IL1RAPL1: variants seen among roughly 807,000 people sequenced by gnomAD.
IL1RAPL1 encodes interleukin-1 receptor accessory protein-like 1.
A neutral mutation model predicts 48.4 loss-of-function variants in IL1RAPL1; 3 were observed. The ratio of observed to expected loss-of-function variants is 0.06; its 90% CI spans 0.03 to 0.16. IL1RAPL1 has a LOEUF of 0.16. Among genes scored for constraint, IL1RAPL1 ranks in the 10% least tolerant of loss-of-function variants. The pLI, the probability that IL1RAPL1 is intolerant of heterozygous loss-of-function variation, is 1.00. For missense variants in IL1RAPL1, 349 were observed against 530.6 expected, an observed-to-expected ratio of 0.66 and a Z score of 3.36; for synonymous variants, 185 against 187.7, an observed-to-expected ratio of 0.99 and a Z score of 0.12.
intron 6 of IL1RAPL1, among the ~76,000 whole-genome samples, chrX:29,678,895 C>T (rs975726815): frequency 9.2e-6 from 1 of 108,216 alleles, no homozygotes; most frequent in Non-Finnish European, 1.9e-5. Context: ...TGACAAAAAG[C>T]CAGGAAGTTG....
intron 1 of IL1RAPL1, among the ~76,000 whole-genome samples, chrX:28,634,356 T>C (rs1472811794): frequency 9.1e-6 from 1 of 109,484 alleles, no homozygotes; most frequent in Non-Finnish European, 1.9e-5. Context: ...TATATGTATA[T>C]ATGTGTATAT....
rs752694882 is a variant in IL1RAPL1 at position 29,451,195 on chromosome X, AT to A, written c.703+51897del. 2.2e-4 allele frequency among the ~76,000 whole-genome samples: 20 copies of A among 92,973 alleles called. No individual in the cohort carries two copies. In the East Asian group the frequency reaches 4.2e-3, roughly 20 times the overall value. 80.7% of individuals were successfully genotyped at this position (92,973 alleles called of 115,157 possible). A position where few individuals can be genotyped will look rare whatever the true frequency, so the allele number is the denominator to read the frequency against. ...TTTTTATTTTTTTATTTTTTATTTT[AT>A]TTTTTTTTTGAGAAGGAGTCTTACT... On this transcript the variant is annotated intron_variant, in intron 5 of 10. Transcript: ENST00000378993.
chrX:28,806,921 G>A (rs1026922471), intron 2 of IL1RAPL1, among the ~76,000 whole-genome samples: 20 of 111,145 alleles, frequency 1.8e-4, no homozygotes, highest in South Asian at 3.7e-4. Flanking sequence ...TGGAAGCTCC[G>A]TTGGGACCTT....
intron 2 of IL1RAPL1, among the ~76,000 whole-genome samples, chrX:29,086,720 A>G: frequency 8.9e-6 from 1 of 112,293 alleles, no homozygotes; most frequent in Non-Finnish European, 1.9e-5. Flanking sequence ...GAAGTGTCAT[A>G]AATGGTGAAG....
At chrX:29,817,093 ACATTTCAATTCC>A (rs1300305001) in intron 6 of IL1RAPL1, among the ~76,000 whole-genome samples, 2 of 111,299 alleles carry the variant, frequency 1.8e-5, no homozygotes, top group Non-Finnish European at 3.8e-5. Flanking sequence ...CTCTAATCAG[ACATTTCAATTCC>A]TACATGCCAT....
At chrX:28,630,178 G>T (rs1404189093) in intron 1 of IL1RAPL1, among the ~76,000 whole-genome samples, 1 of 110,999 alleles carries the variant, frequency 9.0e-6, no homozygotes, top group Non-Finnish European at 1.9e-5. Context: ...GTGATAGATC[G>T]ACTTTTTTTT....
chrX:29,461,456 A>C (rs1934801794), intron 5 of IL1RAPL1, among the ~76,000 whole-genome samples: 1 of 111,789 alleles, frequency 8.9e-6, no homozygotes, highest in Admixed American at 9.6e-5. Flanking sequence ...CTATACAAAA[A>C]TGTACTGTGT....
intron 5 of IL1RAPL1, among the ~76,000 whole-genome samples, chrX:29,552,029 A>G (rs1328582977): frequency 2.7e-5 from 3 of 111,676 alleles, no homozygotes; most frequent in African/African-American, 6.5e-5. Context: ...AGGATTTCAA[A>G]GAGAATCATT....
intron 1 of IL1RAPL1, among the ~76,000 whole-genome samples, chrX:28,751,576 A>G (rs1936043496): frequency 8.9e-6 from 1 of 111,850 alleles, no homozygotes; most frequent in South Asian, 3.7e-4. Context: ...GTTTTTCATA[A>G]GTAATATATA....
At chrX:28,677,936 G>A (rs1427861936) in intron 1 of IL1RAPL1, among the ~76,000 whole-genome samples, 1 of 111,022 alleles carries the variant, frequency 9.0e-6, no homozygotes, top group Non-Finnish European at 1.9e-5. Context: ...GCAATGTCAT[G>A]TTGCAGCCTC....
Position 28,645,120 on chromosome X carries a change from G to A in IL1RAPL1, c.-25+57073G>A, listed in dbSNP as rs750387587. Reference sequence around the variant, plus strand: ...CCCAGCACTTTGGGAGGCCGAGGTGGGTGGATCACCTGAGGTTGGGAGTTC... The same window carrying A: ...CCCAGCACTTTGGGAGGCCGAGGTGAGTGGATCACCTGAGGTTGGGAGTTC... On this transcript the variant is annotated intron_variant, in intron 1 of 10. Transcript: ENST00000378993. Among the ~76,000 whole-genome samples the A allele has an allele frequency of 1.1e-4, 12 of 109,576 alleles. No individual in the cohort carries two copies. The East Asian group carries it at 3.2e-3, about 29-fold the overall frequency.
intron 1 of IL1RAPL1, among the ~76,000 whole-genome samples, chrX:28,733,370 A>G (rs990893669): frequency 3.6e-5 from 4 of 110,572 alleles, no homozygotes; most frequent in Non-Finnish European, 3.8e-5. Flanking sequence ...AGTAAAACTC[A>G]GAAGAGTTGC....
At chrX:29,172,066 A>C (rs1182961326) in intron 2 of IL1RAPL1, among the ~76,000 whole-genome samples, 1 of 112,752 alleles carries the variant, frequency 8.9e-6, no homozygotes, top group Non-Finnish European at 1.9e-5. Flanking sequence ...TGGCTTGACC[A>C]AATTCTGCTT....
At chrX:29,372,773 C>CTTTT (rs1160543169) in intron 3 of IL1RAPL1, among the ~76,000 whole-genome samples, 59 of 63,478 alleles carry the variant, frequency 9.3e-4, no homozygotes, top group East Asian at 1.6e-3. Flanking sequence ...GTCTATGTGT[C>CTTTT]TTTTTTTTTT....
chrX:29,064,998 T>G (rs192387815), intron 2 of IL1RAPL1, among the ~76,000 whole-genome samples: 2 of 112,212 alleles, frequency 1.8e-5, no homozygotes, highest in East Asian at 5.6e-4. Flanking sequence ...ATCATTTCCT[T>G]AAGCCAATAT....
At chrX:29,373,866 A>ATTTTT (rs1933579571) in intron 3 of IL1RAPL1, among the ~76,000 whole-genome samples, 4 of 23,491 alleles carry the variant, frequency 1.7e-4, no homozygotes, top group East Asian at 6.6e-4. Context: ...CTCTCTTTTT[A>ATTTTT]ATTTTTTTTT....
At chrX:28,772,377 A>G (rs763398373) in intron 1 of IL1RAPL1, among the ~76,000 whole-genome samples, 1 of 111,393 alleles carries the variant, frequency 9.0e-6, no homozygotes, top group Non-Finnish European at 1.9e-5. Flanking sequence ...TGCTGGGGTG[A>G]TTGCAATAAA....
intron 5 of IL1RAPL1, among the ~76,000 whole-genome samples, chrX:29,405,967 G>A (rs961809897): frequency 9.0e-6 from 1 of 111,033 alleles, no homozygotes; most frequent in African/African-American, 3.3e-5. Context: ...CTCTTTGCAT[G>A]TCAGTTGATA....
intron 2 of IL1RAPL1, among the ~76,000 whole-genome samples, chrX:29,062,261 G>C (rs1412596262): frequency 8.9e-6 from 1 of 111,756 alleles, no homozygotes; most frequent in African/African-American, 3.3e-5. Flanking sequence ...AGGTGACATA[G>C]AACCAGATAT....
Sources: allele counts gnomAD v4.1 joint callset (sites outside exome capture counted in the v4.1 genomes callset), GRCh38; gene constraint gnomAD v4.1.1; transcripts MANE v1.5; gene names NCBI Gene and HGNC (gene_info 2026-07-23, HGNC 2026-07-21).